The following PCNX1 variants were observed in gnomAD, a reference collection of about 807,000 sequenced individuals.
PCNX1 encodes the protein pecanex 1, also known as pecanex-like protein 1.
A neutral mutation model predicts 242.2 loss-of-function variants in PCNX1; 78 were observed. The ratio of observed to expected loss-of-function variants is 0.32; its 90% CI spans 0.27 to 0.39. The LOEUF (loss-of-function observed/expected upper bound fraction) is 0.39. Among genes scored for constraint, PCNX1 ranks in the 10% least tolerant of loss-of-function variants. PCNX1 has a pLI of 1.00. For missense variants in PCNX1, 2,581 were observed against 2,856.5 expected, an observed-to-expected ratio of 0.90 and a Z score of 2.20; for synonymous variants, 1,024 against 1,032.9, an observed-to-expected ratio of 0.99 and a Z score of 0.17.
chr14:70,965,293 G>T (rs935192537), intron 3 of PCNX1: 2 of 152,120 alleles, frequency 1.3e-5, no homozygotes, highest in Admixed American at 6.5e-5. Context: ...GTGGGTTGGG[G>T]AGTGGGTCTT....
chr14:70,980,056 G>A (rs1471061087), intron 6 of PCNX1, among the ~76,000 whole-genome samples: 1 of 149,326 alleles, frequency 6.7e-6, no homozygotes, highest in Non-Finnish European at 1.5e-5. Flanking sequence ...AGAAACCATT[G>A]GATTTTAAAA....
At chr14:70,961,878 C>T (rs1194292314) in intron 2 of PCNX1, among the ~76,000 whole-genome samples, 3 of 152,058 alleles carry the variant, frequency 2.0e-5, no homozygotes, top group Non-Finnish European at 4.4e-5. Flanking sequence ...TCTAGGGAAG[C>T]AAAAGGCAAT....
chr14:70,938,434 G>A lies in PCNX1; in HGVS notation c.154-8481G>A, dbSNP rs578083271. 3.6e-3 allele frequency among the ~76,000 whole-genome samples: 544 copies of A among 152,132 alleles called. 6 individuals are homozygous for A. Among genetic ancestry groups the A allele is most frequent in the African/African-American group, 0.012 (517 of 41,442 alleles). ...TCTGTTTATATGCTGGATTACATTT[G>A]TTGATTTGTGTATATTGAACCAGCC... On this transcript the variant is annotated intron_variant, in intron 1 of 35. Transcript: ENST00000304743.
intron 28 of PCNX1, 93 bp from the exon 29 acceptor site, chr14:71,088,237 A>C: frequency 1.5e-6 from 1 of 651,054 alleles, no homozygotes; most frequent in Non-Finnish European, 2.7e-6. Context: ...GTACTCTTTG[A>C]ATTCTTTATC....
intron 2 of PCNX1, among the ~76,000 whole-genome samples, chr14:70,961,634 T>G (rs1464276273): frequency 6.6e-6 from 1 of 152,220 alleles, no homozygotes; most frequent in Non-Finnish European, 1.5e-5. Context: ...AACCTTGGCC[T>G]TCTAAACATG....
At chr14:70,953,732 C>T (rs923852030) in intron 2 of PCNX1, among the ~76,000 whole-genome samples, 7 of 147,334 alleles carry the variant, frequency 4.8e-5, no homozygotes, top group African/African-American at 1.8e-4. Flanking sequence ...TGCAGTGGCA[C>T]AGTCTCAGCT....
At chr14:71,100,274 C>G (rs1448260554) in intron 30 of PCNX1, among the ~76,000 whole-genome samples, 2 of 152,140 alleles carry the variant, frequency 1.3e-5, no homozygotes, top group Non-Finnish European at 2.9e-5. Context: ...TTAAGGATCT[C>G]TTATAAGGCT....
intron 2 of PCNX1, among the ~76,000 whole-genome samples, chr14:70,948,775 A>G (rs1201531767): frequency 1.3e-5 from 2 of 148,724 alleles, no homozygotes; most frequent in South Asian, 4.2e-4. Flanking sequence ...ACATATATGT[A>G]TAGTGTATAT....
chr14:71,076,028 A>G (rs566675602), intron 27 of PCNX1, among the ~76,000 whole-genome samples, 161 bp from the exon 28 acceptor site: 6 of 152,060 alleles, frequency 3.9e-5, no homozygotes, highest in Non-Finnish European at 8.8e-5. Context: ...TAAAATATAT[A>G]TGTAGAATAT....
intron 26 of PCNX1, among the ~76,000 whole-genome samples, chr14:71,062,761 T>A (rs966932920): frequency 2.6e-5 from 4 of 152,174 alleles, no homozygotes; most frequent in Non-Finnish European, 2.9e-5. Context: ...GCCTTCACAC[T>A]CACTCACTAC....
chr14:70,929,490 C>T (rs1290304355), intron 1 of PCNX1, among the ~76,000 whole-genome samples: 1 of 152,028 alleles, frequency 6.6e-6, no homozygotes, highest in African/African-American at 2.4e-5. Context: ...GATTTTTAAA[C>T]AGTTTTTTAA....
chr14:71,114,482 G>A lies in PCNX1; in HGVS notation c.*4547G>A, dbSNP rs796221345. 35 of 152,532 alleles carry A rather than the reference G, an allele frequency of 2.3e-4. No individual in the cohort carries two copies. The highest frequency in any genetic ancestry group is 3.4e-3 in the Middle Eastern group (1 of 294). The allele number at this position is 152,532 out of a possible 1,614,324, so 9.4% of individuals were successfully genotyped here. ...ACCAGAGTCATCTGTCAAGAATTAT[G>A]TATAACAATTTATCTTTATTGCCTA... is the stretch of plus-strand genomic sequence containing the variant. On this transcript the variant is annotated 3_prime_UTR_variant, in exon 36 of 36. Transcript: ENST00000304743.
chr14:70,917,433 TTG>T (rs563988719), intron 1 of PCNX1, among the ~76,000 whole-genome samples: 2 of 152,236 alleles, frequency 1.3e-5, no homozygotes, highest in South Asian at 4.1e-4. Context: ...AGAATAGATG[TTG>T]TGTTAGCAGG....
chr14:71,005,476 C>T (rs2059627974), intron 8 of PCNX1, among the ~76,000 whole-genome samples: 1 of 150,978 alleles, frequency 6.6e-6, no homozygotes, highest in Non-Finnish European at 1.5e-5. Context: ...CCATTGCACT[C>T]CAGCCTGGGT....
intron 25 of PCNX1, among the ~76,000 whole-genome samples, chr14:71,056,650 A>C (rs916711914): frequency 6.6e-6 from 1 of 151,956 alleles, no homozygotes; most frequent in Admixed American, 6.6e-5. Flanking sequence ...TAATTTATTA[A>C]GTGATGTTTA....
intron 26 of PCNX1, among the ~76,000 whole-genome samples, chr14:71,068,392 TTATG>T (rs1233833970): frequency 6.7e-6 from 1 of 149,862 alleles, no homozygotes; most frequent in African/African-American, 2.4e-5. Context: ...GTGTGTATAT[TTATG>T]TATACGTATA....
chr14:71,037,737 T>C (rs1340244650), intron 19 of PCNX1, among the ~76,000 whole-genome samples: 1 of 151,838 alleles, frequency 6.6e-6, no homozygotes, highest in Non-Finnish European at 1.5e-5. Context: ...AAAGTTCATA[T>C]GGAACCAAAA....
chr14:71,068,591 C>CGTGTGTGTGTGT (rs373964832), intron 26 of PCNX1, among the ~76,000 whole-genome samples: 2,595 of 122,974 alleles, frequency 0.021, 55 homozygotes, highest in Admixed American at 0.026. Flanking sequence ...TATGTACGTG[C>CGTGTGTGTGTGT]GTGTGTGTGT....
At chr14:71,050,883 T>C in intron 23 of PCNX1, 123 bp downstream of exon 23, 2 of 961,554 alleles carry the variant, frequency 2.1e-6, no homozygotes, top group Admixed American at 2.7e-5. Flanking sequence ...AAATTCATAA[T>C]CTTGGCCGGG....
Sources: allele counts gnomAD v4.1 joint callset (sites outside exome capture counted in the v4.1 genomes callset), GRCh38; gene constraint gnomAD v4.1.1; transcripts MANE v1.5; gene names NCBI Gene and HGNC (gene_info 2026-07-23, HGNC 2026-07-21).